The following DACH2 variants were observed in gnomAD, a reference collection of about 807,000 sequenced individuals.
DACH2 encodes the protein dachshund family transcription factor 2.
A neutral mutation model predicts 35.8 loss-of-function variants in DACH2; 17 were observed. The observed-to-expected ratio is 0.48, with a 90% confidence interval of 0.33 to 0.71. The LOEUF (loss-of-function observed/expected upper bound fraction) is 0.71. DACH2 is among the 30% of genes least tolerant of loss of function. The probability of loss-of-function intolerance (pLI) is 0.02; values close to 1 mark genes in which losing one functional copy is unlikely to be tolerated. For synonymous variants in DACH2, 195 were observed against 177.3 expected (o/e 1.10, Z -0.79); for missense variants, 469 against 472.7 (o/e 0.99, Z 0.07).
At chrX:86,214,547 A>T (rs2032525011) in intron 1 of DACH2, among the ~76,000 whole-genome samples, 1 of 111,869 alleles carries the variant, frequency 8.9e-6, no homozygotes, top group Admixed American at 9.5e-5. Flanking sequence ...ACACTTAAAT[A>T]TTGATAGAAT....
Position 86,656,353 on chromosome X carries a change from G to T in DACH2, c.772+5186G>T, listed in dbSNP as rs7878179. ...AGTCCTAAGTAACTTCAGATAATTA[G>T]ATCCCAACCTCTCATACTACAGATG... On this transcript the variant is annotated intron_variant, in intron 4 of 11. Transcript: ENST00000373125. 2.9e-3 allele frequency among the ~76,000 whole-genome samples: 324 copies of T among 110,710 alleles called. 2 individuals are homozygous for T. The highest frequency in any genetic ancestry group is 0.01 in the African/African-American group (310 of 30,538).
intron 7 of DACH2, among the ~76,000 whole-genome samples, chrX:86,750,621 G>A (rs1017846540): frequency 4.0e-4 from 44 of 110,830 alleles, no homozygotes; most frequent in Non-Finnish European, 5.3e-4. Context: ...TCCTGGCGAC[G>A]ACTATTCACT....
At chrX:86,473,781 T>TA (rs1365586382) in intron 2 of DACH2, among the ~76,000 whole-genome samples, 20 of 111,687 alleles carry the variant, frequency 1.8e-4, no homozygotes, top group Non-Finnish European at 3.2e-4. Context: ...CATGGACACT[T>TA]ACGTGGCTTC....
intron 6 of DACH2, among the ~76,000 whole-genome samples, chrX:86,719,915 CT>C (rs370796091): frequency 0.23 from 21,416 of 92,465 alleles, 2,239 homozygotes; most frequent in Admixed American, 0.45. Context: ...CCCTCCAAAT[CT>C]TTTTTTTTCT....
intron 2 of DACH2, among the ~76,000 whole-genome samples, chrX:86,474,692 C>T (rs1244603111): frequency 9.0e-6 from 1 of 111,277 alleles, no homozygotes; most frequent in Non-Finnish European, 1.9e-5. Flanking sequence ...CTGGGTTATT[C>T]ATTCTGTTCT....
intron 4 of DACH2, among the ~76,000 whole-genome samples, chrX:86,684,585 A>G (rs1006989446): frequency 7.2e-5 from 8 of 111,510 alleles, no homozygotes; most frequent in Non-Finnish European, 1.3e-4. Context: ...ACAAGTAGAT[A>G]AATCTATTTA....
chrX:86,480,794 T>C (rs1230073839), intron 2 of DACH2, among the ~76,000 whole-genome samples: 1 of 112,227 alleles, frequency 8.9e-6, no homozygotes, highest in Non-Finnish European at 1.9e-5. Context: ...GTATTCCAGC[T>C]AATGGTTAAC....
chrX:86,549,693 A>G (rs2039022189), intron 3 of DACH2, among the ~76,000 whole-genome samples: 1 of 111,276 alleles, frequency 9.0e-6, no homozygotes, highest in South Asian at 3.7e-4. Context: ...GTGAAAATGT[A>G]GTCAAAATTA....
At chrX:86,504,913 TG>T (rs773614857) in intron 2 of DACH2, among the ~76,000 whole-genome samples, 1 of 111,655 alleles carries the variant, frequency 9.0e-6, no homozygotes, top group East Asian at 2.8e-4. Flanking sequence ...AAGTAAGGAA[TG>T]GGGAAGGGAA....
rs765619117 is a variant in DACH2 at position 86,403,313 on chromosome X, A to G, written c.527+26451A>G. 6.2e-5 allele frequency among the ~76,000 whole-genome samples: 7 copies of G among 112,184 alleles called. 1 individual carries two copies. In the South Asian group the frequency reaches 2.6e-3, roughly 41 times the overall value. The stretch of plus-strand genomic sequence containing the variant: ...GTCAAAGGTCTAATATACAGAATCT[A>G]TCAGGATCTTAAGTCAACAGACAAA... On this transcript the variant is annotated intron_variant, in intron 2 of 11. Transcript: ENST00000373125.
rs971689265 is a variant in DACH2 at position 86,494,163 on chromosome X, A to G, written c.528-20116A>G. Reference sequence around the variant, plus strand: ...CTCTATGATTGCAAGAGAGAAAATAATTTAACAAAGTTACAGGAAGATGTA... The same window carrying G: ...CTCTATGATTGCAAGAGAGAAAATAGTTTAACAAAGTTACAGGAAGATGTA... On this transcript the variant is annotated intron_variant, in intron 2 of 11. Transcript: ENST00000373125. Among the ~76,000 whole-genome samples the G allele has an allele frequency of 2.7e-5, 3 of 112,302 alleles. No homozygotes were observed. The Admixed American group carries it at 2.8e-4, about 11-fold the overall frequency.
At chrX:86,246,466 C>A (rs1384136047) in intron 1 of DACH2, among the ~76,000 whole-genome samples, 1 of 112,020 alleles carries the variant, frequency 8.9e-6, no homozygotes, top group Non-Finnish European at 1.9e-5. Context: ...AACAGTGAAC[C>A]TTTCAGCAGA....
chrX:86,757,340 GT>G (rs1186084143), intron 7 of DACH2, among the ~76,000 whole-genome samples: 1 of 110,913 alleles, frequency 9.0e-6, no homozygotes, highest in Non-Finnish European at 1.9e-5. Context: ...TTCTTTTTTT[GT>G]TGCATACTTG....
chrX:86,780,326 A>G (rs772835872), intron 7 of DACH2, among the ~76,000 whole-genome samples: 2 of 111,680 alleles, frequency 1.8e-5, no homozygotes, highest in South Asian at 7.5e-4. Context: ...TTCCCCAGAA[A>G]TAGTTTTAGA....
chrX:86,460,923 A>G (rs2037561395), intron 2 of DACH2, among the ~76,000 whole-genome samples: 1 of 111,735 alleles, frequency 8.9e-6, no homozygotes, highest in Non-Finnish European at 1.9e-5. Context: ...AATTGCTAAC[A>G]TAATTGTAAC....
chrX:86,705,029 T>TATATATATATATATATCTCAC (rs1358590796), intron 5 of DACH2, among the ~76,000 whole-genome samples: 20,383 of 83,426 alleles, frequency 0.24, 2,782 homozygotes, highest in Middle Eastern at 0.31. Context: ...CAGAAATTGT[T>TATATATATATATATATCTCAC]ATATATATAT....
At chrX:86,794,434 A>T (rs1410828670) in intron 7 of DACH2, among the ~76,000 whole-genome samples, 2 of 110,941 alleles carry the variant, frequency 1.8e-5, no homozygotes, top group African/African-American at 6.5e-5. Context: ...TACTACCACT[A>T]TTGTGTTACA....
chrX:86,328,828 G>A (rs2035161708), intron 1 of DACH2, among the ~76,000 whole-genome samples: 1 of 111,534 alleles, frequency 9.0e-6, no homozygotes, highest in Non-Finnish European at 1.9e-5. Flanking sequence ...ATCTGAAAAG[G>A]TTGAGTGAAT....
At chrX:86,420,942 A>G (rs913523072) in intron 2 of DACH2, among the ~76,000 whole-genome samples, 5 of 111,187 alleles carry the variant, frequency 4.5e-5, no homozygotes, top group Admixed American at 1.9e-4. Context: ...CTTTCAACAT[A>G]ATAAATCAAG....
Sources: allele counts gnomAD v4.1 joint callset (sites outside exome capture counted in the v4.1 genomes callset), GRCh38; gene constraint gnomAD v4.1.1; transcripts MANE v1.5; gene names NCBI Gene and HGNC (gene_info 2026-07-23, HGNC 2026-07-21).